The following CRTAC1 variants were observed in gnomAD, a reference collection of about 807,000 sequenced individuals.
CRTAC1 encodes the protein cartilage acidic protein 1, also known as acidic secreted protein in cartilage.
A neutral mutation model predicts 67.8 loss-of-function variants in CRTAC1; 37 were observed. That is an observed-to-expected ratio of 0.55 (90% CI 0.42 to 0.72). The LOEUF is 0.72. Ranked by LOEUF, CRTAC1 falls within the 30% of genes least tolerant of loss-of-function variation. The pLI is 0.00. For synonymous variants in CRTAC1, 348 were observed against 371.0 expected, an observed-to-expected ratio of 0.94 and a Z score of 0.71; for missense variants, 780 against 931.6, an observed-to-expected ratio of 0.84 and a Z score of 2.12.
chr10:97,890,928 A>G (rs1011456110), intron 11 of CRTAC1, among the ~76,000 whole-genome samples: 1 of 152,120 alleles, frequency 6.6e-6, no homozygotes, highest in African/African-American at 2.4e-5. Context: ...TGGCCTCCCA[A>G]AGCGCTGGGA....
chr10:98,003,840 G>A (rs1018729425), intron 2 of CRTAC1, among the ~76,000 whole-genome samples: 2 of 152,124 alleles, frequency 1.3e-5, no homozygotes, highest in African/African-American at 4.8e-5. Context: ...AGGGGCCTCA[G>A]ACCTTTGAAC....
At chr10:97,970,699 A>C (rs1386111530) in intron 2 of CRTAC1, among the ~76,000 whole-genome samples, 5 of 152,186 alleles carry the variant, frequency 3.3e-5, no homozygotes, top group African/African-American at 1.2e-4. Flanking sequence ...GCCATCTGAC[A>C]TATTAATATC....
chr10:97,947,095 T>C (rs2051277217), intron 2 of CRTAC1, among the ~76,000 whole-genome samples: 1 of 152,176 alleles, frequency 6.6e-6, no homozygotes, highest in Non-Finnish European at 1.5e-5. Context: ...GTTGAGGAGG[T>C]AGGCCAATTT....
chr10:97,923,431 G>C, intron 3 of CRTAC1, 31 bp from the exon 4 acceptor site: 2 of 1,613,792 alleles, frequency 1.2e-6, no homozygotes, highest in South Asian at 1.1e-5. Flanking sequence ...AGGGCTGGTG[G>C]ACAGTGGATC....
chr10:97,904,924 G>T (rs2050590584), intron 6 of CRTAC1, 110 bp from the exon 7 acceptor site: 2 of 1,288,814 alleles, frequency 1.6e-6, no homozygotes, highest in African/African-American at 1.5e-5. Context: ...CTCTCATCTT[G>T]TTCCCGGGAG....
At chr10:97,953,481 G>A (rs2051392970) in intron 2 of CRTAC1, among the ~76,000 whole-genome samples, 1 of 152,146 alleles carries the variant, frequency 6.6e-6, no homozygotes, top group Non-Finnish European at 1.5e-5. Flanking sequence ...GACCCTCAAT[G>A]GAGGTCCCTT....
intron 2 of CRTAC1, among the ~76,000 whole-genome samples, chr10:97,973,338 C>T (rs1039342944): frequency 1.3e-5 from 2 of 152,160 alleles, no homozygotes; most frequent in Non-Finnish European, 2.9e-5. Flanking sequence ...CCTGGGCCTC[C>T]ATGCCATCAT....
At chr10:97,974,089 A>C (rs1425137643) in intron 2 of CRTAC1, among the ~76,000 whole-genome samples, 1 of 152,144 alleles carries the variant, frequency 6.6e-6, no homozygotes, top group African/African-American at 2.4e-5. Context: ...TCTCCCCTCA[A>C]AGAACTTCTA....
rs534770105 is a variant in CRTAC1 at position 98,030,398 on chromosome 10, T to G, written c.24+51A>C. 8.6e-7 allele frequency: 1 copy of G among 1,168,876 alleles called. No homozygotes were observed. Among genetic ancestry groups the G allele is most frequent in the South Asian group, 4.4e-5 (1 of 22,896 alleles). The allele number at this position is 1,168,876 out of a possible 1,614,324, so 72.4% of individuals were successfully genotyped here. On this transcript the variant is annotated intron_variant, in intron 1 of 14. Coordinates refer to ENST00000370597, the MANE Select transcript of CRTAC1 (RefSeq NM_018058.7). This position sits in a 1 kb window ranked among gnomAD's most constrained non-coding sequence, Gnocchi z 4.2. ...GCGGATCCGGGGGGGCGCGCAGAGC[T>G]GGAGAAACTTTCTCCGCCTTAGGGT...
At chr10:97,921,925 A>G (rs1001814662) in intron 4 of CRTAC1, among the ~76,000 whole-genome samples, 3 of 147,362 alleles carry the variant, frequency 2.0e-5, no homozygotes, top group Admixed American at 6.8e-5. Flanking sequence ...TTCATTTCAC[A>G]TAGTGCCTTT....
intron 14 of CRTAC1, chr10:97,878,327 G>A (rs1391244655): frequency 5.2e-6 from 1 of 191,516 alleles, no homozygotes; most frequent in Non-Finnish European, 1.1e-5. Flanking sequence ...AATTGTAGCT[G>A]TTTTAATTTA....
chr10:97,884,371 A>C lies in CRTAC1; in HGVS notation c.1487-20T>G, dbSNP rs1180399831. 4 of 1,549,676 alleles carry C rather than the reference A, an allele frequency of 2.6e-6. No homozygotes were observed. The highest frequency in any genetic ancestry group is 2.6e-6 in the Non-Finnish European group (3 of 1,146,262). On this transcript the variant is annotated intron_variant, in intron 11 of 14. Coordinates refer to ENST00000370597, the MANE Select transcript of CRTAC1 (RefSeq NM_018058.7). ...CCTTCCCTGAGGGGCAGAAGGAGAG[A>C]GCATCAGCAGCAGAGGAGAGCAGGA...
chr10:97,938,022 G>A (rs1488220278), intron 2 of CRTAC1, among the ~76,000 whole-genome samples: 1 of 152,232 alleles, frequency 6.6e-6, no homozygotes, highest in East Asian at 1.9e-4. Context: ...ATCCCAAGAT[G>A]CAGAAGCCAG....
chr10:97,923,211 C>A (rs1386244372), intron 4 of CRTAC1, 53 bp downstream of exon 4: 1 of 1,609,644 alleles, frequency 6.2e-7, no homozygotes, highest in East Asian at 2.2e-5. Context: ...AGTGGCTCCT[C>A]TCCTGGCTCT....
chr10:97,940,475 T>C (rs953628193), intron 2 of CRTAC1, among the ~76,000 whole-genome samples: 2 of 152,262 alleles, frequency 1.3e-5, no homozygotes, highest in African/African-American at 4.8e-5. Flanking sequence ...CAGCTATGGC[T>C]TCCTAAAGGA....
intron 2 of CRTAC1, among the ~76,000 whole-genome samples, chr10:97,987,765 C>A (rs933065848): frequency 6.6e-6 from 1 of 152,264 alleles, no homozygotes; most frequent in Non-Finnish European, 1.5e-5. Flanking sequence ...GCTGAATACA[C>A]ATAGGTGCTC....
rs141145206 is a variant in CRTAC1, at chr10:97,922,124, G to A, written c.558+1140C>T. On this transcript the variant is annotated intron_variant, in intron 4 of 14. Coordinates refer to ENST00000370597, the MANE Select transcript of CRTAC1 (RefSeq NM_018058.7). ...GGAGGCTGGGAAGAGGCCCCTAACCGTGACCAGGTCTGGCACCCCCCAGCT... is the reference window on the plus strand; with the variant it reads ...GGAGGCTGGGAAGAGGCCCCTAACCATGACCAGGTCTGGCACCCCCCAGCT... Among the ~76,000 whole-genome samples the A allele has an allele frequency of 2.2e-3, 332 of 152,116 alleles. 2 individuals carry two copies. Among genetic ancestry groups the A allele is most frequent in the Non-Finnish European group, 2.2e-3 (149 of 67,956 alleles).
chr10:97,948,708 T>C (rs766377342), intron 2 of CRTAC1, among the ~76,000 whole-genome samples: 50 of 152,182 alleles, frequency 3.3e-4, no homozygotes, highest in Non-Finnish European at 6.5e-4. Context: ...GACAGTAATA[T>C]CCTGTATTAG....
At chr10:97,919,043 CT>C (rs3838744) in intron 4 of CRTAC1, among the ~76,000 whole-genome samples, 10,415 of 151,168 alleles carry the variant, frequency 0.069, 427 homozygotes, top group African/African-American at 0.11. Flanking sequence ...CCCCCCCCGC[CT>C]CAGCCTCCCA....
Sources: gnomAD v4.1 joint callset for allele counts (sites outside exome capture counted in the v4.1 genomes callset) on GRCh38, gnomAD v4.1.1 for gene constraint, Gnocchi (gnomAD v3.1) non-coding constraint, MANE v1.5 for transcripts, NCBI Gene and HGNC (gene_info 2026-07-23, HGNC 2026-07-21) for gene names.